The following COL24A1 variants were observed in gnomAD, a reference collection of about 807,000 sequenced individuals.
The protein encoded by COL24A1 is collagen alpha-1(XXIV) chain.
A neutral mutation model predicts 253.9 loss-of-function variants in COL24A1; 224 were observed. That is an observed-to-expected ratio of 0.88 (90% CI 0.79 to 0.99). The LOEUF (loss-of-function observed/expected upper bound fraction) is 0.99, where lower values mean the gene tolerates loss of function less well. Among genes scored for constraint, COL24A1 ranks in the 50% least tolerant of loss-of-function variants. The pLI is 0.00. For synonymous variants in COL24A1, 685 were observed against 673.7 expected, an observed-to-expected ratio of 1.02 and a Z score of -0.26; for missense variants, 2,131 against 2,068.5, an observed-to-expected ratio of 1.03 and a Z score of -0.59.
rs189253924 is a variant in COL24A1, at chr1:85,808,565, T to C, written c.3951+8223A>G. Among the ~76,000 whole-genome samples, 4 of 152,330 alleles carry C rather than the reference T, an allele frequency of 2.6e-5. No homozygotes were observed. The East Asian group carries it at 7.7e-4, about 29-fold the overall frequency. On this transcript the variant is annotated intron_variant, in intron 47 of 59. Coordinates refer to ENST00000370571, the MANE Select transcript of COL24A1 (RefSeq NM_152890.7). ...GTGCTATGTCAACTCAATTTGCTTC[T>C]CTGTCATAAAACAGACTGAGCAGAT...
At chr1:86,012,949 A>T (rs1437421687) in intron 19 of COL24A1, among the ~76,000 whole-genome samples, 1 of 136,240 alleles carries the variant, frequency 7.3e-6, no homozygotes, top group Admixed American at 7.1e-5. Context: ...TCCTGTCTTC[A>T]ATTATGGTGG....
chr1:86,094,539 G>A (rs910924571), intron 5 of COL24A1, among the ~76,000 whole-genome samples: 2 of 151,928 alleles, frequency 1.3e-5, no homozygotes, highest in African/African-American at 2.4e-5. Flanking sequence ...CTCAATACCT[G>A]GGTGATGAAA....
rs1698599241 is a variant in COL24A1, at chr1:86,031,873, C to T, written c.2049+5G>A. ...TTAAGAATGATGATATTTAGTGATACTCACTCTAAGCCCAGGAAACCCCGG... is the reference window on the plus strand; with the variant it reads ...TTAAGAATGATGATATTTAGTGATATTCACTCTAAGCCCAGGAAACCCCGG... On this transcript the variant is annotated splice_donor_5th_base_variant and intron_variant, in intron 14 of 59. Coordinates refer to ENST00000370571, the MANE Select transcript of COL24A1 (RefSeq NM_152890.7). 1 of 1,599,726 alleles carries T rather than the reference C, an allele frequency of 6.3e-7. No individual in the cohort carries two copies. The highest frequency in any genetic ancestry group is 8.5e-7 in the Non-Finnish European group (1 of 1,172,366).
chr1:85,981,964 A>C lies in COL24A1; in HGVS notation c.2364+5637T>G, dbSNP rs1693297518. Among the ~76,000 whole-genome samples, 3 of 152,190 alleles carry C rather than the reference A, an allele frequency of 2.0e-5. No homozygotes were observed. In the South Asian group the frequency reaches 6.2e-4, roughly 32 times the overall value. On this transcript the variant is annotated intron_variant, in intron 20 of 59. Transcript: ENST00000370571. ...TTGTTGATATAAACAGGATATTTGCACTGCTAGGTTCATTGCAGCTTTATT... is the reference window on the plus strand; with the variant it reads ...TTGTTGATATAAACAGGATATTTGCCCTGCTAGGTTCATTGCAGCTTTATT...
chr1:85,954,908 G>A (rs1690275214), intron 24 of COL24A1, among the ~76,000 whole-genome samples: 1 of 152,200 alleles, frequency 6.6e-6, no homozygotes, highest in Admixed American at 6.5e-5. Flanking sequence ...GGTACCACCA[G>A]TATCTGGGTC....
chr1:86,096,258 C>A (rs1348622088), intron 5 of COL24A1, among the ~76,000 whole-genome samples: 2 of 152,090 alleles, frequency 1.3e-5, no homozygotes, highest in Admixed American at 1.3e-4. Context: ...ATTAATGAAG[C>A]AGCAAAACTT....
chr1:86,098,150 G>A (rs184640625), intron 5 of COL24A1, among the ~76,000 whole-genome samples: 22 of 152,292 alleles, frequency 1.4e-4, no homozygotes, highest in Admixed American at 1.4e-3. Flanking sequence ...TGTCTCCTGA[G>A]GATACTCCCT....
intron 20 of COL24A1, among the ~76,000 whole-genome samples, chr1:85,975,802 G>C (rs1692616012): frequency 6.6e-6 from 1 of 152,206 alleles, no homozygotes; most frequent in Non-Finnish European, 1.5e-5. Flanking sequence ...AGTTCCCAAA[G>C]TGTGTGAGGG....
At chr1:86,064,937 A>G (rs1701360366) in intron 7 of COL24A1, among the ~76,000 whole-genome samples, 1 of 152,226 alleles carries the variant, frequency 6.6e-6, no homozygotes, top group African/African-American at 2.4e-5. Context: ...ATTACATAAC[A>G]TATTACATAT....
intron 14 of COL24A1, among the ~76,000 whole-genome samples, chr1:86,027,328 A>T (rs78940496): frequency 0.018 from 2,723 of 152,256 alleles, 94 homozygotes; most frequent in African/African-American, 0.062. Flanking sequence ...GGAGTGTCAG[A>T]GATCTTCACA....
At chr1:85,828,923 A>G (rs1674782225) in intron 43 of COL24A1, among the ~76,000 whole-genome samples, 1 of 150,200 alleles carries the variant, frequency 6.7e-6, no homozygotes, top group South Asian at 2.1e-4. Context: ...GTCCATTTAC[A>G]TTTAAAGTTA....
At chr1:85,934,579 A>G (rs1314743842) in intron 24 of COL24A1, among the ~76,000 whole-genome samples, 1 of 152,198 alleles carries the variant, frequency 6.6e-6, no homozygotes, top group Non-Finnish European at 1.5e-5. Flanking sequence ...GTCAATTTAG[A>G]CATCACTAAT....
At position 86,022,884 on chromosome 1, in the gene COL24A1, A is replaced by T. The variant is rs1235935239; in HGVS notation, c.2104-7T>A. The T allele has an allele frequency of 6.2e-7, 1 of 1,608,610 alleles. No individual in the cohort carries two copies. The highest frequency in any genetic ancestry group is 1.7e-4 in the Middle Eastern group (1 of 6,052). ...CTTTATTCCCTGAAAGGCCCTACAA[A>T]AAAAGGTGACATTTTGTGATATCAT... On this transcript the variant is annotated splice_polypyrimidine_tract_variant and splice_region_variant and intron_variant, in intron 15 of 59. Coordinates refer to ENST00000370571, the MANE Select transcript of COL24A1 (RefSeq NM_152890.7).
At chr1:85,738,433 A>G (rs1664279987) in intron 57 of COL24A1, among the ~76,000 whole-genome samples, 1 of 152,158 alleles carries the variant, frequency 6.6e-6, no homozygotes, top group Non-Finnish European at 1.5e-5. Context: ...TAGCTAGTGA[A>G]ATTCTACCAG....
At chr1:85,853,820 G>GT (rs1678097294) in intron 37 of COL24A1, among the ~76,000 whole-genome samples, 1 of 151,810 alleles carries the variant, frequency 6.6e-6, no homozygotes, top group South Asian at 2.1e-4. Flanking sequence ...GGGTTTGTTT[G>GT]TTTTTTGCTT....
rs1040194237 is a variant in COL24A1 at position 86,050,040 on chromosome 1, C to G, written c.1905+84G>C. On this transcript the variant is annotated intron_variant, in intron 11 of 59. Coordinates refer to ENST00000370571, the MANE Select transcript of COL24A1 (RefSeq NM_152890.7). ...CTTGCTAACTCAGTAAGATTACTTC[C>G]CTGACATCTGATTTTATGACCCCCA... 5 of 1,177,508 alleles carry G rather than the reference C, an allele frequency of 4.2e-6. No homozygotes were observed. The African/African-American group carries it at 7.7e-5, about 18-fold the overall frequency. 72.9% of individuals were successfully genotyped at this position (1,177,508 alleles called of 1,614,324 possible). A position where few individuals can be genotyped will look rare whatever the true frequency, so the allele number is the denominator to read the frequency against.
intron 28 of COL24A1, among the ~76,000 whole-genome samples, chr1:85,902,964 T>C (rs890192068): frequency 9.2e-5 from 14 of 152,108 alleles, no homozygotes; most frequent in South Asian, 2.1e-4. Context: ...TGAAATACCC[T>C]AAATACCCTG....
intron 24 of COL24A1, among the ~76,000 whole-genome samples, chr1:85,952,343 C>T (rs987309071): frequency 6.6e-6 from 1 of 152,138 alleles, no homozygotes; most frequent in Non-Finnish European, 1.5e-5. Flanking sequence ...AAAAATGATA[C>T]ATTCCATAAA....
intron 47 of COL24A1, among the ~76,000 whole-genome samples, chr1:85,813,572 A>G (rs1387123909): frequency 1.2e-5 from 1 of 82,768 alleles, no homozygotes; most frequent in Non-Finnish European, 2.0e-5. Flanking sequence ...TTTTTTTGAG[A>G]CGGAGTCTCG....
Sources: allele counts gnomAD v4.1 joint callset (sites outside exome capture counted in the v4.1 genomes callset), GRCh38; gene constraint gnomAD v4.1.1; transcripts MANE v1.5; gene names NCBI Gene and HGNC (gene_info 2026-07-23, HGNC 2026-07-21).